Variants in HMGCLL1 observed in about 807,000 individuals in gnomAD.
HMGCLL1 encodes 3-hydroxymethyl-3-methylglutaryl-CoA lyase, cytoplasmic.
HMGCLL1 carries 36 observed loss-of-function variants against 39.1 expected under a neutral mutation model. The observed-to-expected ratio is 0.92, with a 90% CI of 0.71 to 1.22. The LOEUF (loss-of-function observed/expected upper bound fraction) is 1.22. Among genes scored for constraint, HMGCLL1 ranks in the 50% most tolerant of loss-of-function variants. The pLI, the probability that HMGCLL1 is intolerant of heterozygous loss-of-function variation, is 0.00. For missense variants in HMGCLL1, 451 were observed against 416.5 expected, an observed-to-expected ratio of 1.08 and a Z score of -0.72; for synonymous variants, 149 against 144.0, an observed-to-expected ratio of 1.03 and a Z score of -0.25.
intron 1 of HMGCLL1, among the ~76,000 whole-genome samples, chr6:55,575,802 C>T (rs761887733): frequency 2.0e-5 from 3 of 152,088 alleles, no homozygotes; most frequent in Non-Finnish European, 4.4e-5. Context: ...TCGATTGGTG[C>T]TAAGATCAAA....
the HMGCLL1 span, among the ~76,000 whole-genome samples, chr6:55,653,762 G>A: frequency 6.6e-6 from 1 of 151,870 alleles, no homozygotes; most frequent in Non-Finnish European, 1.5e-5. Context: ...GTGTGTTCTG[G>A]GAAGCGCCTT....
the HMGCLL1 span, among the ~76,000 whole-genome samples, chr6:55,599,266 AAAAG>A: frequency 1.8e-4 from 27 of 152,204 alleles, no homozygotes; most frequent in Non-Finnish European, 1.0e-4. Flanking sequence ...GTATAATTAA[AAAAG>A]AAAGAAAGAA....
chr6:55,656,775 A>C, the HMGCLL1 span, among the ~76,000 whole-genome samples: 1 of 152,014 alleles, frequency 6.6e-6, no homozygotes, highest in South Asian at 2.1e-4. Context: ...ACATAGTAAT[A>C]ACACAATATG....
Position 55,544,040 on chromosome 6 carries a change from C to CA in HMGCLL1, c.109-1901dup, listed in dbSNP as rs1769807514. 2.6e-5 allele frequency among the ~76,000 whole-genome samples: 4 copies of CA among 152,018 alleles called. No homozygotes were observed. In the South Asian group the frequency reaches 8.3e-4, roughly 32 times the overall value. ...TTTGCTGCTTATTTTTTCTCTAGGT[C>CA]ACACAGCACAGCTACCACCTAAGTG... On this transcript the variant is annotated intron_variant, in intron 1 of 8. Transcript: ENST00000274901.
the HMGCLL1 span, among the ~76,000 whole-genome samples, chr6:55,642,896 A>T: frequency 6.6e-6 from 1 of 151,912 alleles, no homozygotes; most frequent in Non-Finnish European, 1.5e-5. Context: ...GCAACATTTG[A>T]TTTTCCATTT....
chr6:55,629,005 T>C, the HMGCLL1 span, among the ~76,000 whole-genome samples: 4,438 of 152,190 alleles, frequency 0.029, 237 homozygotes, highest in African/African-American at 0.1. Context: ...TACAGTAAAT[T>C]GGTATCAGTA....
chr6:55,667,602 A>G, the HMGCLL1 span, among the ~76,000 whole-genome samples: 9 of 151,800 alleles, frequency 5.9e-5, no homozygotes, highest in Admixed American at 1.3e-4. Flanking sequence ...GAAAGAAGCC[A>G]GTTTGTGCTT....
At chr6:55,451,270 A>G (rs1204756910) in intron 7 of HMGCLL1, among the ~76,000 whole-genome samples, 3 of 152,186 alleles carry the variant, frequency 2.0e-5, no homozygotes, top group Admixed American at 6.5e-5. Flanking sequence ...TTAATGATTG[A>G]TTGATTTAAA....
At chr6:55,523,729 A>G (rs933872506) in intron 3 of HMGCLL1, among the ~76,000 whole-genome samples, 3 of 151,928 alleles carry the variant, frequency 2.0e-5, no homozygotes, top group Non-Finnish European at 4.4e-5. Flanking sequence ...GTGCATATTC[A>G]CCATGTTAAT....
At chr6:55,476,524 C>A (rs966605626) in intron 7 of HMGCLL1, among the ~76,000 whole-genome samples, 18 of 151,590 alleles carry the variant, frequency 1.2e-4, no homozygotes, top group African/African-American at 4.1e-4. Flanking sequence ...AATTGTATTT[C>A]ATCCTTCCCA....
the HMGCLL1 span, among the ~76,000 whole-genome samples, chr6:55,661,943 T>C: frequency 6.6e-6 from 1 of 151,954 alleles, no homozygotes; most frequent in Non-Finnish European, 1.5e-5. Context: ...CCTGATTAGC[T>C]GCATTCGTAG....
the HMGCLL1 span, among the ~76,000 whole-genome samples, chr6:55,628,432 AGCTGAGATTACAGGCAC>A: frequency 2.6e-5 from 4 of 151,008 alleles, no homozygotes; most frequent in Non-Finnish European, 5.9e-5. Context: ...CCTCCTGAGT[AGCTGAGATTACAGGCAC>A]GCATCACCAC....
chr6:55,586,640 C>T, the HMGCLL1 span, among the ~76,000 whole-genome samples: 6 of 149,154 alleles, frequency 4.0e-5, no homozygotes, highest in Non-Finnish European at 7.4e-5. Flanking sequence ...TGAGAACATA[C>T]GGTGTTTGGT....
At chr6:55,532,672 G>A (rs1437510811) in intron 3 of HMGCLL1, among the ~76,000 whole-genome samples, 2 of 151,796 alleles carry the variant, frequency 1.3e-5, no homozygotes, top group Non-Finnish European at 2.9e-5. Flanking sequence ...GCGATGGTGG[G>A]CACCTGTAAT....
chr6:55,669,521 A>G, the HMGCLL1 span, among the ~76,000 whole-genome samples: 1 of 151,926 alleles, frequency 6.6e-6, no homozygotes, highest in African/African-American at 2.4e-5. Flanking sequence ...ATGGTAAAAT[A>G]CAATCAATAG....
At chr6:55,587,045 T>A in the HMGCLL1 span, among the ~76,000 whole-genome samples, 745 of 152,250 alleles carry the variant, frequency 4.9e-3, 8 homozygotes, top group African/African-American at 0.017. Flanking sequence ...CTCCACATCC[T>A]CTCCAGCATC....
At chr6:55,638,719 A>AG in the HMGCLL1 span, among the ~76,000 whole-genome samples, 1 of 152,206 alleles carries the variant, frequency 6.6e-6, no homozygotes, top group Non-Finnish European at 1.5e-5. Flanking sequence ...GTCAAATGAC[A>AG]GGAGATATGC....
intron 7 of HMGCLL1, among the ~76,000 whole-genome samples, chr6:55,461,357 C>T (rs550654373): frequency 1.9e-4 from 29 of 151,902 alleles, no homozygotes; most frequent in East Asian, 5.8e-4. Flanking sequence ...AAACAAGAAA[C>T]GCAAATCACA....
chr6:55,599,701 T>C, the HMGCLL1 span, among the ~76,000 whole-genome samples: 35 of 152,294 alleles, frequency 2.3e-4, 1 homozygote, highest in East Asian at 1.5e-3. Flanking sequence ...GTAATCACAA[T>C]ACAGAAAACA....
Sources: gnomAD v4.1 joint callset for allele counts (sites outside exome capture counted in the v4.1 genomes callset) on GRCh38, gnomAD v4.1.1 for gene constraint, MANE v1.5 for transcripts, NCBI Gene and HGNC (gene_info 2026-07-23, HGNC 2026-07-21) for gene names.